Variants in ASCC3 observed in about 807,000 individuals in gnomAD.
ASCC3 encodes the protein ASC-1 complex subunit P200.
Under a neutral mutation model 256.3 loss-of-function variants are expected in ASCC3, and 158 were observed. The observed-to-expected ratio is 0.62, with a 90% CI of 0.54 to 0.70. The LOEUF (loss-of-function observed/expected upper bound fraction) is 0.70. Ranked by LOEUF, ASCC3 falls within the 30% of genes least tolerant of loss-of-function variation. ASCC3 has a pLI of 0.00. For missense variants in ASCC3, 2,259 were observed against 2,626.0 expected (o/e 0.86, Z 3.05); for synonymous variants, 948 against 883.4 (o/e 1.07, Z -1.30).
intron 13 of ASCC3, among the ~76,000 whole-genome samples, chr6:100,687,026 T>TCACACACACACA (rs1489836127): frequency 1.9e-4 from 14 of 73,230 alleles, no homozygotes; most frequent in Admixed American, 4.7e-4. Context: ...TCTCTCTCTC[T>TCACACACACACA]CTCTCTCTCA....
At chr6:100,611,975 A>C (rs927719764) in intron 30 of ASCC3, among the ~76,000 whole-genome samples, 1 of 151,962 alleles carries the variant, frequency 6.6e-6, no homozygotes, top group Non-Finnish European at 1.5e-5. Context: ...CTTTCCAATA[A>C]ATAGCCTTTG....
chr6:100,646,892 A>G lies in ASCC3; in HGVS notation c.3479-123T>C, dbSNP rs550813076. Reference sequence around the variant, plus strand: ...CTTGTTTTATGATTTGCTATGTAGAATAGCTGACATTCTTGACCTGGCATG... The same window carrying G: ...CTTGTTTTATGATTTGCTATGTAGAGTAGCTGACATTCTTGACCTGGCATG... On this transcript the variant is annotated intron_variant, in intron 21 of 41. Coordinates refer to ENST00000369162, the MANE Select transcript of ASCC3 (RefSeq NM_006828.4). 1.9e-4 allele frequency: 192 copies of G among 1,015,226 alleles called. No individual in the cohort carries two copies. In the South Asian group the frequency reaches 2.3e-3, roughly 12 times the overall value. 62.9% of individuals were successfully genotyped at this position (1,015,226 alleles called of 1,614,324 possible).
intron 4 of ASCC3, among the ~76,000 whole-genome samples, chr6:100,832,635 T>C: frequency 6.6e-6 from 1 of 152,136 alleles, no homozygotes; most frequent in Admixed American, 6.5e-5. Context: ...TATTCAGTGG[T>C]TGGAAGAAGC....
At chr6:100,616,000 G>C (rs373920872) in intron 30 of ASCC3, among the ~76,000 whole-genome samples, 42 of 152,306 alleles carry the variant, frequency 2.8e-4, no homozygotes, top group Middle Eastern at 3.4e-3. Context: ...CTTTGAGTTA[G>C]AAATGATGTT....
At chr6:100,644,204 T>C (rs908649588) in intron 22 of ASCC3, 75 bp from the exon 23 acceptor site, 4 of 967,634 alleles carry the variant, frequency 4.1e-6, no homozygotes, top group Non-Finnish European at 6.7e-6. Flanking sequence ...CTTCTCACTC[T>C]AGAAGCTTTA....
In ASCC3 at chr6:100,723,929, TA is replaced by T. The variant is rs1779492241; in HGVS notation, c.1902+1609del. Among the ~76,000 whole-genome samples, 3 of 141,288 alleles carry T rather than the reference TA, an allele frequency of 2.1e-5. No homozygotes were observed. The East Asian group carries it at 6.3e-4, about 30-fold the overall frequency. The allele number at this position is 141,288 out of a possible 152,430, so 92.7% of individuals were successfully genotyped here. On this transcript the variant is annotated intron_variant, in intron 11 of 41. Transcript: ENST00000369162. ...TTATATATATGACACATATATATAA[TA>T]TATATATATACACACACACATGCAT...
At chr6:100,586,082 C>T (rs1006952096) in intron 36 of ASCC3, among the ~76,000 whole-genome samples, 10 of 152,286 alleles carry the variant, frequency 6.6e-5, no homozygotes, top group Non-Finnish European at 7.4e-5. Flanking sequence ...TCTCCAGCTG[C>T]GTGCTGGGAG....
Position 100,662,200 on chromosome 6 carries a change from T to C in ASCC3, c.2478+145A>G, listed in dbSNP as rs558415578. On this transcript the variant is annotated intron_variant, in intron 15 of 41. Transcript: ENST00000369162. ...TTTCACAATATAAACTAGATTCTTATTGGAGAAAATAATTCTGACCTTTTA... is the reference window on the plus strand; with the variant it reads ...TTTCACAATATAAACTAGATTCTTACTGGAGAAAATAATTCTGACCTTTTA... 1.0e-4 allele frequency: 112 copies of C among 1,097,436 alleles called. No homozygotes were observed. In the African/African-American group the frequency reaches 1.6e-3, roughly 15 times the overall value. 68.0% of individuals were successfully genotyped at this position (1,097,436 alleles called of 1,614,324 possible). A position where few individuals can be genotyped will look rare whatever the true frequency, so the allele number is the denominator to read the frequency against.
At position 100,647,075 on chromosome 6, in the gene ASCC3, C is replaced by T. The variant is rs149894798; in HGVS notation, c.3478+151G>A. 6.2e-5 allele frequency: 51 copies of T among 828,558 alleles called. 1 individual carries two copies. Among genetic ancestry groups the T allele is most frequent in the South Asian group, 4.1e-4 (24 of 58,474 alleles). 51.3% of individuals were successfully genotyped at this position (828,558 alleles called of 1,614,324 possible). On this transcript the variant is annotated intron_variant, in intron 21 of 41. Transcript: ENST00000369162. ...ACTCACTTGAATATAAAGAGATTTT[C>T]GCTTGATTTTAGATAAATGAAAAAG...
intron 36 of ASCC3, among the ~76,000 whole-genome samples, chr6:100,544,985 G>C (rs1481629207): frequency 6.6e-6 from 1 of 151,956 alleles, no homozygotes; most frequent in East Asian, 1.9e-4. Flanking sequence ...TGGGGATGCA[G>C]GATTGGTTAA....
At chr6:100,754,004 T>C (rs1435193392) in intron 10 of ASCC3, among the ~76,000 whole-genome samples, 1 of 152,282 alleles carries the variant, frequency 6.6e-6, no homozygotes, top group African/African-American at 2.4e-5. Flanking sequence ...TTTTAAACCA[T>C]GACTAAATTC....
chr6:100,723,777 T>C (rs116747994), intron 11 of ASCC3, among the ~76,000 whole-genome samples: 2,218 of 149,180 alleles, frequency 0.015, 49 homozygotes, highest in African/African-American at 0.051. Context: ...AGTTCTGACA[T>C]GTTTATGGGC....
At chr6:100,607,272 A>C (rs1251165291) in intron 30 of ASCC3, among the ~76,000 whole-genome samples, 184 bp from the exon 31 acceptor site, 1 of 152,140 alleles carries the variant, frequency 6.6e-6, no homozygotes, top group African/African-American at 2.4e-5. Flanking sequence ...GTGAGAATAT[A>C]TACTCTAAAC....
intron 10 of ASCC3, among the ~76,000 whole-genome samples, chr6:100,754,602 T>C (rs1406467852): frequency 6.6e-6 from 1 of 152,184 alleles, no homozygotes; most frequent in African/African-American, 2.4e-5. Context: ...ATACCCACCC[T>C]ACTACCCTTA....
At chr6:100,723,927 AAT>A (rs1280300610) in intron 11 of ASCC3, among the ~76,000 whole-genome samples, 33 of 140,780 alleles carry the variant, frequency 2.3e-4, no homozygotes, top group East Asian at 1.5e-3. Context: ...ACATATATAT[AAT>A]ATATATATAT....
intron 13 of ASCC3, among the ~76,000 whole-genome samples, chr6:100,687,028 T>TCACACACA (rs1201705191): frequency 0.016 from 1,398 of 89,096 alleles, 18 homozygotes; most frequent in Non-Finnish European, 0.025. Context: ...TCTCTCTCTC[T>TCACACACA]CTCTCTCACA....
intron 36 of ASCC3, among the ~76,000 whole-genome samples, chr6:100,587,533 T>C (rs928125240): frequency 2.6e-5 from 4 of 152,152 alleles, no homozygotes; most frequent in East Asian, 1.9e-4. Flanking sequence ...TGAACCCTCA[T>C]TGAGATAATA....
At chr6:100,604,021 A>G (rs1772760425) in intron 33 of ASCC3, among the ~76,000 whole-genome samples, 1 of 152,068 alleles carries the variant, frequency 6.6e-6, no homozygotes, top group African/African-American at 2.4e-5. Context: ...TTTCACCCTT[A>G]AATGTTATGA....
chr6:100,685,666 C>G (rs1777535720), intron 13 of ASCC3, among the ~76,000 whole-genome samples: 1 of 152,166 alleles, frequency 6.6e-6, no homozygotes, highest in African/African-American at 2.4e-5. Context: ...AGTGGGAAAA[C>G]AGTGTTGTAT....
Sources: gnomAD v4.1 joint callset for allele counts (sites outside exome capture counted in the v4.1 genomes callset) on GRCh38, gnomAD v4.1.1 for gene constraint, MANE v1.5 for transcripts, NCBI Gene and HGNC (gene_info 2026-07-23, HGNC 2026-07-21) for gene names.